NBAS: variants seen among roughly 807,000 people sequenced by gnomAD.
NBAS encodes NBAS subunit of NRZ tethering complex.
In NBAS, 219 loss-of-function variants were observed where a neutral mutation model predicts 302.5. The observed-to-expected ratio is 0.72, with a 90% CI of 0.65 to 0.81. NBAS has a LOEUF of 0.81. Among genes scored for constraint, NBAS ranks in the 30% least tolerant of loss-of-function variants. The pLI is 0.00. For synonymous variants in NBAS, 1,118 were observed against 1,021.6 expected, an observed-to-expected ratio of 1.09 and a Z score of -1.80; for missense variants, 2,932 against 2,841.6, an observed-to-expected ratio of 1.03 and a Z score of -0.72.
At chr2:15,526,858 C>T (rs1662933942) in intron 9 of NBAS, among the ~76,000 whole-genome samples, 1 of 152,120 alleles carries the variant, frequency 6.6e-6, no homozygotes, top group Non-Finnish European at 1.5e-5. Flanking sequence ...AAGTAAACAT[C>T]TTAAAAGTAA....
chr2:14,991,282 A>G, the NBAS span, among the ~76,000 whole-genome samples: 1 of 152,160 alleles, frequency 6.6e-6, no homozygotes, highest in African/African-American at 2.4e-5. Flanking sequence ...AATTTAAAAA[A>G]AAAACCCACC....
intron 41 of NBAS, among the ~76,000 whole-genome samples, chr2:15,289,377 C>T (rs758688293): frequency 2.6e-5 from 4 of 152,312 alleles, no homozygotes; most frequent in Middle Eastern, 3.4e-3. Context: ...GCTGGGATTA[C>T]AGGTGTGAGC....
At chr2:15,014,668 CA>C in the NBAS span, among the ~76,000 whole-genome samples, 1 of 151,562 alleles carries the variant, frequency 6.6e-6, no homozygotes, top group Admixed American at 6.6e-5. Flanking sequence ...ATGCCTATAT[CA>C]AAAAAACTAT....
At chr2:15,150,062 G>A in the NBAS span, among the ~76,000 whole-genome samples, 1 of 115,020 alleles carries the variant, frequency 8.7e-6, no homozygotes, top group Non-Finnish European at 1.7e-5. Flanking sequence ...GGGCAACCCT[G>A]TCTCAAAAAA....
At chr2:15,437,584 G>T (rs1010498928) in intron 21 of NBAS, among the ~76,000 whole-genome samples, 3 of 152,142 alleles carry the variant, frequency 2.0e-5, no homozygotes, top group Non-Finnish European at 2.9e-5. Context: ...TCTGCAGGGC[G>T]AATAAGTCTA....
chr2:15,271,528 G>A (rs1669323591), intron 44 of NBAS, among the ~76,000 whole-genome samples: 1 of 152,162 alleles, frequency 6.6e-6, no homozygotes, highest in South Asian at 2.1e-4. Context: ...ATTCCAGGTT[G>A]AGTAACACTG....
At chr2:15,559,980 G>A (rs1272884394) in intron 1 of NBAS, among the ~76,000 whole-genome samples, 2 of 152,162 alleles carry the variant, frequency 1.3e-5, no homozygotes, top group East Asian at 1.9e-4. Context: ...ATCTCTACCC[G>A]TCTACAAAAT....
At chr2:14,868,070 T>C in the NBAS span, among the ~76,000 whole-genome samples, 10 of 152,230 alleles carry the variant, frequency 6.6e-5, no homozygotes, top group Non-Finnish European at 1.5e-4. Context: ...GACATTGTTG[T>C]GTATTTTACA....
At chr2:14,817,948 A>G in the NBAS span, among the ~76,000 whole-genome samples, 3 of 152,120 alleles carry the variant, frequency 2.0e-5, no homozygotes, top group African/African-American at 4.8e-5. Context: ...GAGGTTCGCT[A>G]TTCTCCAGGA....
the NBAS span, among the ~76,000 whole-genome samples, chr2:14,954,530 T>G: frequency 7.9e-5 from 12 of 152,176 alleles, no homozygotes; most frequent in Non-Finnish European, 1.3e-4. Context: ...TGGGTTGTAT[T>G]AGTCCCTTCT....
At chr2:15,444,770 A>AGTGAATC (rs1226827303) in intron 21 of NBAS, among the ~76,000 whole-genome samples, 1 of 152,102 alleles carries the variant, frequency 6.6e-6, no homozygotes, top group African/African-American at 2.4e-5. Flanking sequence ...CAAAGGGCTA[A>AGTGAATC]TATCCAGAAT....
At chr2:15,303,424 A>G (rs545737948) in intron 40 of NBAS, among the ~76,000 whole-genome samples, 13 of 152,222 alleles carry the variant, frequency 8.5e-5, no homozygotes, top group Admixed American at 5.9e-4. Context: ...AGACCTGGAA[A>G]TAAAACACAC....
At chr2:15,212,517 G>T (rs1485941829) in intron 48 of NBAS, among the ~76,000 whole-genome samples, 1 of 152,154 alleles carries the variant, frequency 6.6e-6, no homozygotes, top group Non-Finnish European at 1.5e-5. Context: ...TCCAGACACA[G>T]TGGCTGCACG....
At chr2:15,218,437 T>A (rs1474160353) in intron 48 of NBAS, among the ~76,000 whole-genome samples, 2 of 152,202 alleles carry the variant, frequency 1.3e-5, no homozygotes, top group East Asian at 3.8e-4. Flanking sequence ...TTTTTCTTTT[T>A]CTTTTGAGAT....
the NBAS span, among the ~76,000 whole-genome samples, chr2:15,126,023 T>G: frequency 6.6e-6 from 1 of 152,186 alleles, no homozygotes; most frequent in Non-Finnish European, 1.5e-5. Flanking sequence ...CACGTTGAAG[T>G]GTGATCTCCG....
the NBAS span, among the ~76,000 whole-genome samples, chr2:15,147,848 T>C: frequency 1.3e-5 from 2 of 151,292 alleles, no homozygotes; most frequent in African/African-American, 4.9e-5. Context: ...ATTCATTTCC[T>C]GGGTCTCCTG....
chr2:15,427,391 C>G (rs182389260), intron 22 of NBAS, among the ~76,000 whole-genome samples: 157 of 151,954 alleles, frequency 1.0e-3, no homozygotes, highest in Non-Finnish European at 2.0e-3. Context: ...TGATCAAGAA[C>G]AAAATTGCAT....
At chr2:15,176,878 C>T (rs934665350) in intron 51 of NBAS, among the ~76,000 whole-genome samples, 6 of 152,024 alleles carry the variant, frequency 3.9e-5, no homozygotes, top group Admixed American at 1.3e-4. Context: ...TACAACTGAA[C>T]GTGAATTTAA....
At position 15,373,714 on chromosome 2, in the gene NBAS, T is replaced by C. The variant is rs531200548; in HGVS notation, c.3703+894A>G. Among the ~76,000 whole-genome samples the C allele has an allele frequency of 8.9e-4, 135 of 152,334 alleles. 1 individual carries two copies. Among genetic ancestry groups the C allele is most frequent in the African/African-American group, 3.2e-3 (132 of 41,570 alleles). On this transcript the variant is annotated intron_variant, in intron 31 of 51. Coordinates refer to ENST00000281513, the MANE Select transcript of NBAS (RefSeq NM_015909.4). ...ACTGAAAACATGAGAATGCCTCTAC[T>C]GGCTCATATCTCTAAAATCCATCCA...
Sources: gnomAD v4.1 joint callset for allele counts (sites outside exome capture counted in the v4.1 genomes callset) on GRCh38, gnomAD v4.1.1 for gene constraint, MANE v1.5 for transcripts, NCBI Gene and HGNC (gene_info 2026-07-23, HGNC 2026-07-21) for gene names.